Variants in ORC3 observed in about 807,000 individuals in gnomAD.
The protein encoded by ORC3 is homolog of latheo, Drosophila.
ORC3 carries 78 observed loss-of-function variants against 100.7 expected under a neutral mutation model. The observed-to-expected ratio is 0.77, with a 90% CI of 0.65 to 0.94. The LOEUF (loss-of-function observed/expected upper bound fraction) is 0.94. Among genes scored for constraint, ORC3 ranks in the 40% least tolerant of loss-of-function variants. The probability of loss-of-function intolerance (pLI) is 0.00; values close to 1 mark genes in which losing one functional copy is unlikely to be tolerated. For missense variants in ORC3, 789 were observed against 823.9 expected, an observed-to-expected ratio of 0.96 and a Z score of 0.52; for synonymous variants, 295 against 289.3, an observed-to-expected ratio of 1.02 and a Z score of -0.20.
chr6:87,676,974 G>A, the ORC3 span, among the ~76,000 whole-genome samples: 1 of 151,746 alleles, frequency 6.6e-6, no homozygotes, highest in Non-Finnish European at 1.5e-5. Context: ...CTACACAGGA[G>A]GCTGAGGCAG....
intron 16 of ORC3, among the ~76,000 whole-genome samples, chr6:87,661,672 T>G (rs1770187910): frequency 6.6e-6 from 1 of 152,180 alleles, no homozygotes; most frequent in African/African-American, 2.4e-5. Flanking sequence ...GCTGCTTTGC[T>G]CTGCTTGTAC....
intron 12 of ORC3, among the ~76,000 whole-genome samples, chr6:87,635,787 G>A (rs569581423): frequency 5.3e-5 from 8 of 151,554 alleles, no homozygotes; most frequent in Admixed American, 6.6e-5. Context: ...GTGAGACTCC[G>A]TCTAAAAAAA....
chr6:87,647,462 T>C (rs1362172656), intron 13 of ORC3, among the ~76,000 whole-genome samples: 1 of 152,228 alleles, frequency 6.6e-6, no homozygotes, highest in Non-Finnish European at 1.5e-5. Context: ...ATCTTTTCAG[T>C]GAGGCCCTAA....
chr6:87,622,149 G>C (rs1779583204), intron 11 of ORC3, 136 bp downstream of exon 11: 1 of 553,862 alleles, frequency 1.8e-6, no homozygotes, highest in Non-Finnish European at 3.1e-6. Context: ...GGTCTTGATA[G>C]TCACCTAGGA....
At chr6:87,632,352 T>C (rs560452746) in intron 11 of ORC3, among the ~76,000 whole-genome samples, 1 of 152,138 alleles carries the variant, frequency 6.6e-6, no homozygotes, top group African/African-American at 2.4e-5. Context: ...ATGTGGAGAT[T>C]AGGTTCTAAA....
chr6:87,632,604 T>C (rs1275898740), intron 11 of ORC3, among the ~76,000 whole-genome samples: 1 of 152,176 alleles, frequency 6.6e-6, no homozygotes, highest in Non-Finnish European at 1.5e-5. Flanking sequence ...GGCTCACACC[T>C]GTAATCCCAG....
chr6:87,676,319 G>C, the ORC3 span, among the ~76,000 whole-genome samples: 18 of 148,728 alleles, frequency 1.2e-4, no homozygotes, highest in Non-Finnish European at 2.2e-4. Context: ...AAAAAAATTA[G>C]CTGGGCATGG....
intron 9 of ORC3, 86 bp downstream of exon 9, chr6:87,616,513 A>G (rs1779164486): frequency 1.7e-6 from 1 of 577,614 alleles, no homozygotes; most frequent in African/African-American, 1.9e-5. Context: ...TGTGATAGGC[A>G]TTTTAAATGG....
intron 6 of ORC3, 102 bp from the exon 7 acceptor site, chr6:87,608,994 T>A: frequency 1.1e-6 from 1 of 921,428 alleles, no homozygotes; most frequent in East Asian, 2.7e-5. Flanking sequence ...TAAACAGTGT[T>A]ATTGTGAAAT....
At chr6:87,644,444 T>C (rs1427608785) in intron 13 of ORC3, among the ~76,000 whole-genome samples, 2 of 151,750 alleles carry the variant, frequency 1.3e-5, no homozygotes, top group East Asian at 2.0e-4. Flanking sequence ...TGGTGGCTCA[T>C]GCCTATAATC....
intron 13 of ORC3, among the ~76,000 whole-genome samples, chr6:87,641,406 G>A (rs1768241030): frequency 1.3e-5 from 2 of 152,152 alleles, no homozygotes; most frequent in African/African-American, 4.8e-5. Flanking sequence ...GGTAATAAAA[G>A]GAAATTTATG....
intron 14 of ORC3, 74 bp downstream of exon 14, chr6:87,653,323 C>T: frequency 7.2e-7 from 1 of 1,390,752 alleles, no homozygotes. Flanking sequence ...AAAACCCCAC[C>T]TTCTGATGTG....
At position 87,612,173 on chromosome 6, in the gene ORC3, A is replaced by G; in HGVS notation, c.798A>G (p.Ala266=). 6.2e-7 allele frequency: 1 copy of G among 1,613,560 alleles called. No homozygotes were observed. The highest frequency in any genetic ancestry group is 8.5e-7 in the Non-Finnish European group (1 of 1,179,610). The change falls in exon 8 of 20, where the codon GCA becomes GCG. Residue 266 remains alanine (A), a synonymous_variant. Coordinates refer to ENST00000392844, the MANE Select transcript of ORC3 (RefSeq NM_012381.4). The stretch of plus-strand genomic sequence containing the variant: ...TCATCCACCGATTGCTTCCTCATGC[A>G]GTATCATCTCTATTGTGCATAGAAC... The part of the protein sequence containing the change: ...PIIIHRLLPH[A]VSSLLCIELF...
At chr6:87,621,186 A>T (rs1476666384) in intron 9 of ORC3, among the ~76,000 whole-genome samples, 168 bp from the exon 10 acceptor site, 1 of 152,162 alleles carries the variant, frequency 6.6e-6, no homozygotes, top group Non-Finnish European at 1.5e-5. Context: ...ATATGGAGTT[A>T]TATAGCCATT....
At chr6:87,651,292 G>T in intron 13 of ORC3, 1 of 456,254 alleles carries the variant, frequency 2.2e-6, no homozygotes, top group South Asian at 1.5e-5. Flanking sequence ...TAGATCTTCT[G>T]CCAGCAGAAC....
At chr6:87,629,056 C>T (rs1157539117) in intron 11 of ORC3, among the ~76,000 whole-genome samples, 1 of 152,166 alleles carries the variant, frequency 6.6e-6, no homozygotes, top group Non-Finnish European at 1.5e-5. Flanking sequence ...AGAAGACTAG[C>T]ACTCTTGCCA....
chr6:87,670,186 T>C (rs1456029001), downstream of ORC3, among the ~76,000 whole-genome samples: 1 of 152,170 alleles, frequency 6.6e-6, no homozygotes, highest in Non-Finnish European at 1.5e-5. Context: ...TATTTTCTTT[T>C]TCGAGACAGA....
intron 1 of ORC3, among the ~76,000 whole-genome samples, chr6:87,591,887 A>G (rs1426507134): frequency 6.6e-6 from 1 of 151,962 alleles, no homozygotes; most frequent in East Asian, 1.9e-4. Context: ...ATGCCCCACT[A>G]CACCCAGCTA....
At chr6:87,646,039 T>G (rs1003671661) in intron 13 of ORC3, among the ~76,000 whole-genome samples, 1 of 147,346 alleles carries the variant, frequency 6.8e-6, no homozygotes, top group South Asian at 2.1e-4. Context: ...CAGGCTGGAG[T>G]GCAGTGGCAT....
Sources: gnomAD v4.1 joint callset for allele counts (sites outside exome capture counted in the v4.1 genomes callset) on GRCh38, gnomAD v4.1.1 for gene constraint, MANE v1.5 for transcripts, NCBI Gene and HGNC (gene_info 2026-07-23, HGNC 2026-07-21) for gene names.